The following FGF14 variants were observed in gnomAD, a reference collection of about 807,000 sequenced individuals.
FGF14 encodes the protein fibroblast growth factor homologous factor 4.
FGF14 carries 5 observed loss-of-function variants against 25.5 expected under a neutral mutation model. The observed-to-expected ratio is 0.20, with a 90% CI of 0.10 to 0.41. The LOEUF is 0.41. Among genes scored for constraint, FGF14 ranks in the 10% least tolerant of loss-of-function variants. FGF14 has a pLI of 1.00. For missense variants in FGF14, 222 were observed against 320.1 expected, an observed-to-expected ratio of 0.69 and a Z score of 2.34; for synonymous variants, 138 against 118.3, an observed-to-expected ratio of 1.17 and a Z score of -1.08.
intron 1 of FGF14, among the ~76,000 whole-genome samples, chr13:102,311,475 A>G (rs1594817270): frequency 6.6e-6 from 1 of 152,280 alleles, no homozygotes; most frequent in East Asian, 1.9e-4. Flanking sequence ...ATCCTTCCCC[A>G]CAGCTGAATC....
intron 3 of FGF14, among the ~76,000 whole-genome samples, chr13:101,742,995 A>G (rs532697145): frequency 1.3e-5 from 2 of 152,286 alleles, no homozygotes; most frequent in Admixed American, 6.5e-5. Flanking sequence ...ACTCAAAAGA[A>G]TGCAATCATA....
intron 3 of FGF14, among the ~76,000 whole-genome samples, chr13:101,813,455 A>G (rs768552700): frequency 4.6e-5 from 7 of 152,104 alleles, no homozygotes; most frequent in Non-Finnish European, 8.8e-5. Context: ...GGCACTTTTG[A>G]CCCACTCTAC....
intron 1 of FGF14, among the ~76,000 whole-genome samples, chr13:102,130,775 C>A (rs1319439670): frequency 6.6e-6 from 1 of 152,142 alleles, no homozygotes; most frequent in East Asian, 1.9e-4. Flanking sequence ...TTGAAGTGAA[C>A]AAACAGCTGA....
chr13:102,233,457 T>TA (rs2051177939), intron 1 of FGF14, among the ~76,000 whole-genome samples: 1 of 151,376 alleles, frequency 6.6e-6, no homozygotes, highest in African/African-American at 2.4e-5. Flanking sequence ...CTTGCTTTTT[T>TA]TTGTCTAGCT....
chr13:101,800,192 C>T (rs2040792938), intron 3 of FGF14, among the ~76,000 whole-genome samples: 1 of 152,016 alleles, frequency 6.6e-6, no homozygotes, highest in South Asian at 2.1e-4. Context: ...ATTTCACTTT[C>T]CTGTGGGACT....
chr13:101,946,987 T>G lies in FGF14; in HGVS notation c.209-71691A>C, dbSNP rs146702436. Among the ~76,000 whole-genome samples, 248 of 152,324 alleles carry G rather than the reference T, an allele frequency of 1.6e-3. 1 individual carries two copies. Among genetic ancestry groups the G allele is most frequent in the African/African-American group, 5.9e-3 (244 of 41,576 alleles). The stretch of plus-strand genomic sequence containing the variant: ...TTTTATCCACTTAATGCTGAGATTC[T>G]CTGATAATGCAATCCTAAAGATAAA... On this transcript the variant is annotated intron_variant, in intron 1 of 4. Coordinates refer to the FGF14 transcript ENST00000376131.
At chr13:101,811,728 A>G (rs1342878570) in intron 3 of FGF14, among the ~76,000 whole-genome samples, 2 of 152,182 alleles carry the variant, frequency 1.3e-5, no homozygotes, top group Non-Finnish European at 2.9e-5. Context: ...TTTACATCCC[A>G]ACCAGCAATG....
At chr13:102,334,402 G>A (rs1474489063) in intron 1 of FGF14, among the ~76,000 whole-genome samples, 2 of 152,124 alleles carry the variant, frequency 1.3e-5, no homozygotes, top group East Asian at 1.9e-4. Flanking sequence ...GTTTGGTAGT[G>A]CACCTTCAAA....
upstream of FGF14, among the ~76,000 whole-genome samples, chr13:101,918,504 G>A (rs1314914289): frequency 6.6e-6 from 1 of 152,134 alleles, no homozygotes; most frequent in Non-Finnish European, 1.5e-5. Context: ...CTGGAAAGAG[G>A]GCAAGCACAC....
intron 1 of FGF14, among the ~76,000 whole-genome samples, chr13:102,135,606 G>A (rs1332745062): frequency 1.3e-5 from 2 of 152,182 alleles, no homozygotes; most frequent in Non-Finnish European, 2.9e-5. Flanking sequence ...TTGGAAAACT[G>A]CCTGTAAACA....
intron 1 of FGF14, among the ~76,000 whole-genome samples, chr13:102,305,023 G>A (rs968481659): frequency 2.0e-5 from 3 of 152,188 alleles, no homozygotes; most frequent in African/African-American, 7.2e-5. Flanking sequence ...AACTAAAACA[G>A]TGTGCATACA....
chr13:101,759,605 CTG>C (rs1190390491), intron 3 of FGF14, among the ~76,000 whole-genome samples: 11 of 152,172 alleles, frequency 7.2e-5, no homozygotes, highest in Admixed American at 7.2e-4. Flanking sequence ...CAATGAATAA[CTG>C]TCTCACCTAT....
intron 1 of FGF14, among the ~76,000 whole-genome samples, chr13:102,379,516 A>G (rs1320057737): frequency 6.0e-5 from 9 of 150,780 alleles, no homozygotes; most frequent in African/African-American, 2.2e-4. Context: ...AGTTTAAAGT[A>G]TATATATATA....
At chr13:102,193,301 T>C (rs1332587802) in intron 1 of FGF14, among the ~76,000 whole-genome samples, 5 of 152,162 alleles carry the variant, frequency 3.3e-5, no homozygotes, top group Non-Finnish European at 5.9e-5. Context: ...GCAAGCTCTC[T>C]GGTGTCTTCT....
chr13:101,870,437 T>A (rs897018105), intron 2 of FGF14, among the ~76,000 whole-genome samples: 4 of 152,166 alleles, frequency 2.6e-5, no homozygotes, highest in Admixed American at 2.0e-4. Flanking sequence ...CAATTCAAAT[T>A]TAATTATTCT....
chr13:102,012,894 T>C (rs2040153301), intron 1 of FGF14, among the ~76,000 whole-genome samples: 1 of 152,128 alleles, frequency 6.6e-6, no homozygotes, highest in East Asian at 1.9e-4. Context: ...TTTATTCTCA[T>C]AAAGTGATGC....
chr13:102,255,750 G>A (rs1383014215), intron 1 of FGF14, among the ~76,000 whole-genome samples: 4 of 152,182 alleles, frequency 2.6e-5, no homozygotes, highest in Admixed American at 2.6e-4. Context: ...CAGAAAAAAA[G>A]GTTACTATTG....
chr13:101,741,380 T>C (rs1015354798), intron 3 of FGF14, among the ~76,000 whole-genome samples: 1 of 152,108 alleles, frequency 6.6e-6, no homozygotes. Context: ...AGCAGTACTA[T>C]AGTAGGAGAC....
chr13:102,320,113 G>T (rs2056188261), intron 1 of FGF14, among the ~76,000 whole-genome samples: 1 of 152,074 alleles, frequency 6.6e-6, no homozygotes, highest in African/African-American at 2.4e-5. Context: ...AGTTGTAGGG[G>T]ACTGCACAGA....
Sources: gnomAD v4.1 joint callset for allele counts (sites outside exome capture counted in the v4.1 genomes callset) on GRCh38, gnomAD v4.1.1 for gene constraint, MANE v1.5 for transcripts, NCBI Gene and HGNC (gene_info 2026-07-23, HGNC 2026-07-21) for gene names.